Variants in NCAM2 observed in about 807,000 individuals in gnomAD.
The protein encoded by NCAM2 is neural cell adhesion molecule 2, also known as N-CAM-2.
Under a neutral mutation model 98.1 loss-of-function variants are expected in NCAM2, and 30 were observed. The observed-to-expected ratio is 0.31, with a 90% CI of 0.23 to 0.41. The LOEUF (loss-of-function observed/expected upper bound fraction) is 0.41. Ranked by LOEUF, NCAM2 falls within the 10% of genes least tolerant of loss-of-function variation. The pLI is 1.00. For synonymous variants in NCAM2, 368 were observed against 342.4 expected, an observed-to-expected ratio of 1.07 and a Z score of -0.83; for missense variants, 867 against 1,005.8, an observed-to-expected ratio of 0.86 and a Z score of 1.87.
At chr21:21,195,386 A>G (rs1425270102) in intron 1 of NCAM2, among the ~76,000 whole-genome samples, 1 of 152,192 alleles carries the variant, frequency 6.6e-6, no homozygotes, top group East Asian at 1.9e-4. Flanking sequence ...AAAGACCTAA[A>G]CAGAAGTACA....
chr21:21,113,484 TGAG>T (rs1663046458), intron 1 of NCAM2, among the ~76,000 whole-genome samples: 1 of 152,174 alleles, frequency 6.6e-6, no homozygotes, highest in South Asian at 2.1e-4. Flanking sequence ...ATAATTATCT[TGAG>T]GAAGAAGTAA....
chr21:21,084,922 A>G (rs1156921003), intron 1 of NCAM2, among the ~76,000 whole-genome samples: 1 of 152,158 alleles, frequency 6.6e-6, no homozygotes, highest in East Asian at 1.9e-4. Context: ...ATATAAATAC[A>G]ATGCTTGAAT....
intron 11 of NCAM2, among the ~76,000 whole-genome samples, chr21:21,430,634 A>C (rs1429078846): frequency 6.6e-6 from 1 of 151,968 alleles, no homozygotes; most frequent in East Asian, 1.9e-4. Flanking sequence ...ACCATTTATA[A>C]AACAATCTTA....
chr21:21,355,708 C>A (rs1010965593), intron 8 of NCAM2, among the ~76,000 whole-genome samples: 35 of 151,764 alleles, frequency 2.3e-4, no homozygotes, highest in African/African-American at 8.4e-4. Context: ...CTCTGCCTCC[C>A]GAGTTCAAAT....
chr21:21,293,800 A>G (rs1273807266), intron 5 of NCAM2, among the ~76,000 whole-genome samples: 2 of 151,858 alleles, frequency 1.3e-5, no homozygotes, highest in East Asian at 1.9e-4. Flanking sequence ...AAGATTTATG[A>G]TGAAATATGT....
chr21:21,230,645 GTAGGGTGCTTAGCCATAATCTGTTTT>G (rs1317340715), intron 1 of NCAM2, among the ~76,000 whole-genome samples: 1 of 151,372 alleles, frequency 6.6e-6, no homozygotes, highest in East Asian at 1.9e-4. Context: ...TTTGCTGTCA[GTAGGGTGCTTAGCCATAATCTGTTTT>G]TAAGCATTGT....
At chr21:21,067,357 T>C (rs977269435) in intron 1 of NCAM2, among the ~76,000 whole-genome samples, 1 of 152,088 alleles carries the variant, frequency 6.6e-6, no homozygotes, top group African/African-American at 2.4e-5. Context: ...ACATGAGAAC[T>C]ATGTTAATGA....
chr21:21,294,507 A>C (rs1373835984), intron 5 of NCAM2, among the ~76,000 whole-genome samples: 4 of 151,902 alleles, frequency 2.6e-5, no homozygotes, highest in Admixed American at 2.6e-4. Context: ...AATCAACCAT[A>C]GATTCTAATA....
intron 9 of NCAM2, among the ~76,000 whole-genome samples, chr21:21,407,737 T>C (rs892115646): frequency 3.3e-5 from 5 of 152,202 alleles, no homozygotes; most frequent in Non-Finnish European, 5.9e-5. Context: ...ACGTATGAAT[T>C]TCTTGTTGGA....
intron 15 of NCAM2, among the ~76,000 whole-genome samples, chr21:21,501,347 TA>T (rs767272045): frequency 2.8e-4 from 42 of 152,098 alleles, no homozygotes; most frequent in Non-Finnish European, 4.7e-4. Context: ...AATTTTGCCA[TA>T]ATGTTAACTA....
At chr21:21,240,345 ATATAT>A (rs965482844) in intron 1 of NCAM2, among the ~76,000 whole-genome samples, 18 of 149,790 alleles carry the variant, frequency 1.2e-4, no homozygotes, top group East Asian at 1.2e-3. Flanking sequence ...GCATGCAAAA[ATATAT>A]TATATAATTT....
chr21:21,454,261 T>C (rs1380939538), intron 12 of NCAM2, among the ~76,000 whole-genome samples: 1 of 152,096 alleles, frequency 6.6e-6, no homozygotes, highest in Non-Finnish European at 1.5e-5. Context: ...TCTTCCCTAA[T>C]TCATATTAAA....
intron 1 of NCAM2, among the ~76,000 whole-genome samples, chr21:21,064,447 G>C (rs80060529): frequency 6.6e-6 from 1 of 152,052 alleles, no homozygotes; most frequent in Non-Finnish European, 1.5e-5. Context: ...GTACTATATC[G>C]TATTATTGAT....
At chr21:21,229,492 G>T (rs1367141170) in intron 1 of NCAM2, among the ~76,000 whole-genome samples, 1 of 151,412 alleles carries the variant, frequency 6.6e-6, no homozygotes, top group Non-Finnish European at 1.5e-5. Flanking sequence ...CAGATACTTT[G>T]CATACATACA....
rs867465131 is a variant in NCAM2 at position 21,083,757 on chromosome 21, C to T, written c.55+85139C>T. On this transcript the variant is annotated intron_variant, in intron 1 of 17. Transcript: ENST00000400546. ...CTATTTTTTGAGATAATTATGGATT[C>T]ACAGATAGCTGTGAGAAATTATGCC... 4.6e-5 allele frequency among the ~76,000 whole-genome samples: 7 copies of T among 152,102 alleles called. No homozygotes were observed. The East Asian group carries it at 5.8e-4, about 13-fold the overall frequency.
At chr21:21,292,970 T>C (rs2147582950) in intron 5 of NCAM2, among the ~76,000 whole-genome samples, 1 of 151,546 alleles carries the variant, frequency 6.6e-6, no homozygotes, top group African/African-American at 2.4e-5. Flanking sequence ...CAGGCAAGAG[T>C]GCGTGAGAAA....
chr21:21,478,171 G>A (rs1032034440), intron 15 of NCAM2, among the ~76,000 whole-genome samples: 2 of 152,012 alleles, frequency 1.3e-5, no homozygotes, highest in Non-Finnish European at 1.5e-5. Context: ...AATTTATTCT[G>A]ACTCAAAATA....
chr21:21,215,556 T>TAAAAAC (rs1039263231), intron 1 of NCAM2, among the ~76,000 whole-genome samples: 4 of 151,880 alleles, frequency 2.6e-5, no homozygotes, highest in East Asian at 1.9e-4. Flanking sequence ...TCACCTCTAC[T>TAAAAAC]AAAAACAAAA....
At chr21:21,365,191 A>T (rs1044571922) in intron 8 of NCAM2, among the ~76,000 whole-genome samples, 1 of 151,494 alleles carries the variant, frequency 6.6e-6, no homozygotes, top group South Asian at 2.1e-4. Flanking sequence ...ACCTCCGGAG[A>T]TCTTCAGTGC....
Sources: allele counts gnomAD v4.1 joint callset (sites outside exome capture counted in the v4.1 genomes callset), GRCh38; gene constraint gnomAD v4.1.1; transcripts MANE v1.5; gene names NCBI Gene and HGNC (gene_info 2026-07-23, HGNC 2026-07-21).